The following SAAL1 variants were observed in gnomAD, a reference collection of about 807,000 sequenced individuals.
The protein encoded by SAAL1 is protein SAAL1.
In SAAL1, 42 loss-of-function variants were observed where a neutral mutation model predicts 59.8. That is an observed-to-expected ratio of 0.70 (90% confidence interval 0.55 to 0.91). The LOEUF (loss-of-function observed/expected upper bound fraction) is 0.91. Among genes scored for constraint, SAAL1 ranks in the 40% least tolerant of loss-of-function variants. The pLI, the probability that SAAL1 is intolerant of heterozygous loss-of-function variation, is 0.00. For synonymous variants in SAAL1, 191 were observed against 194.3 expected, an observed-to-expected ratio of 0.98 and a Z score of 0.14; for missense variants, 542 against 561.1, an observed-to-expected ratio of 0.97 and a Z score of 0.34.
At position 18,106,066 on chromosome 11, in the gene SAAL1, A is replaced by T; in HGVS notation, c.-25T>A. 1.3e-6 allele frequency: 2 copies of T among 1,585,640 alleles called. No homozygotes were observed. The highest frequency in any genetic ancestry group is 1.7e-6 in the Non-Finnish European group (2 of 1,172,592). On this transcript the variant is annotated 5_prime_UTR_variant, in exon 1 of 12. Transcript: ENST00000524803. Reference sequence around the variant, plus strand: ...TGACTTTGTCGCGTCCCGCGCTTGAAGGCCGTGCCGGAAGCTGCGGAGGAG... The same window carrying T: ...TGACTTTGTCGCGTCCCGCGCTTGATGGCCGTGCCGGAAGCTGCGGAGGAG...
intron 3 of SAAL1, among the ~76,000 whole-genome samples, chr11:18,094,180 A>G (rs1300481750): frequency 6.6e-6 from 1 of 152,178 alleles, no homozygotes; most frequent in Non-Finnish European, 1.5e-5. Flanking sequence ...GATAAGTGTG[A>G]CCATAAATCA....
Position 18,105,918 on chromosome 11 carries a change from C to A in SAAL1, c.124G>T (p.Gly42Ter). The change falls in exon 1 of 12, where the codon GGA becomes TGA. Residue 42 changes from glycine (G) to a stop codon, truncating the protein, a stop_gained. Transcript: ENST00000524803. LOFTEE classifies it high-confidence loss of function. ...SKHWLFGVLSGLIQIVSPENT... is the reference protein window; with the variant it reads ...SKHWLFGVLS ...GCGAGTTTCCACACCTGGATGAGTC[C>A]GCTGAGGACGCCGAAGAGCCAGTGT... 1.2e-6 allele frequency: 2 copies of A among 1,601,972 alleles called. No individual in the cohort carries two copies. The highest frequency in any genetic ancestry group is 1.3e-5 in the African/African-American group (1 of 74,840).
At chr11:18,083,499 C>T (rs768530266) in intron 10 of SAAL1, 36 bp downstream of exon 10, 10 of 1,263,784 alleles carry the variant, frequency 7.9e-6, no homozygotes, top group Non-Finnish European at 1.1e-5. Context: ...CCCACACTTT[C>T]TTTTGCTTAT....
chr11:18,102,176 T>G (rs1356585127), intron 2 of SAAL1, among the ~76,000 whole-genome samples: 1 of 152,048 alleles, frequency 6.6e-6, no homozygotes, highest in Non-Finnish European at 1.5e-5. Context: ...CCGAGGAGGA[T>G]GGATCATTTG....
chr11:18,084,071 T>C (rs1370222282), intron 9 of SAAL1, among the ~76,000 whole-genome samples: 2 of 152,158 alleles, frequency 1.3e-5, no homozygotes, highest in Non-Finnish European at 2.9e-5. Context: ...GGGTGGTAGC[T>C]CACGCTTGTA....
chr11:18,097,178 A>G (rs1403927497), intron 2 of SAAL1, among the ~76,000 whole-genome samples: 2 of 152,120 alleles, frequency 1.3e-5, no homozygotes, highest in East Asian at 3.8e-4. Context: ...CAGAGGTTGC[A>G]GTGAGCTGAG....
At chr11:18,087,940 A>G (rs1332314613) in intron 7 of SAAL1, among the ~76,000 whole-genome samples, 1 of 152,256 alleles carries the variant, frequency 6.6e-6, no homozygotes, top group East Asian at 1.9e-4. Context: ...TAATTACAAT[A>G]AAGTGGTACT....
chr11:18,096,684 A>T (rs1848580114), intron 3 of SAAL1, 87 bp downstream of exon 3: 1 of 761,870 alleles, frequency 1.3e-6, no homozygotes, highest in Admixed American at 2.1e-5. Context: ...TCAGTAAGAA[A>T]ATCAAAGTGA....
intron 11 of SAAL1, among the ~76,000 whole-genome samples, 176 bp from the exon 12 acceptor site, chr11:18,080,667 G>A (rs572976097): frequency 1.2e-4 from 18 of 152,166 alleles, no homozygotes; most frequent in Non-Finnish European, 2.2e-4. Flanking sequence ...TCAAGGAAAT[G>A]ACTATGCTTT....
intron 4 of SAAL1, among the ~76,000 whole-genome samples, chr11:18,091,135 T>C (rs1342897733): frequency 6.6e-6 from 1 of 152,240 alleles, no homozygotes; most frequent in Non-Finnish European, 1.5e-5. Flanking sequence ...GCAATCCTCC[T>C]ACAATATTTG....
intron 9 of SAAL1, among the ~76,000 whole-genome samples, chr11:18,085,903 C>T (rs1848459188): frequency 6.6e-6 from 1 of 152,158 alleles, no homozygotes; most frequent in Non-Finnish European, 1.5e-5. Flanking sequence ...ATTAAAGCCA[C>T]ACTTCACATG....
intron 2 of SAAL1, 100 bp from the exon 3 acceptor site, chr11:18,096,954 C>T (rs112499478): frequency 0.076 from 52,887 of 692,900 alleles, 2,478 homozygotes; most frequent in Non-Finnish European, 0.091. Context: ...TAGAATTTTA[C>T]GCCAGGCGCA....
chr11:18,096,983 C>T (rs1034398819), intron 2 of SAAL1, 129 bp from the exon 3 acceptor site: 31 of 626,066 alleles, frequency 5.0e-5, no homozygotes, highest in Middle Eastern at 4.2e-4. Flanking sequence ...CACCTGTAAT[C>T]CTAGCACATT....
At chr11:18,083,367 C>T (rs945055854) in intron 10 of SAAL1, 168 bp downstream of exon 10, 36 of 498,388 alleles carry the variant, frequency 7.2e-5, no homozygotes, top group Middle Eastern at 1.0e-3. Flanking sequence ...ATATACCAAA[C>T]CACATCAGCT....
chr11:18,102,355 T>C (rs542426454), intron 2 of SAAL1, among the ~76,000 whole-genome samples: 69 of 150,276 alleles, frequency 4.6e-4, no homozygotes, highest in African/African-American at 1.6e-3. Context: ...TGAGCTGAGA[T>C]CGCACCACTG....
intron 11 of SAAL1, 21 bp from the exon 12 acceptor site, chr11:18,080,512 C>T (rs1191738470): frequency 1.3e-6 from 2 of 1,510,606 alleles, no homozygotes; most frequent in South Asian, 1.2e-5. Context: ...AACAAACAAA[C>T]AAAAATCAAA....
At chr11:18,103,522 T>C (rs1848656695) in intron 1 of SAAL1, among the ~76,000 whole-genome samples, 176 bp from the exon 2 acceptor site, 1 of 152,206 alleles carries the variant, frequency 6.6e-6, no homozygotes, top group Non-Finnish European at 1.5e-5. Context: ...CAAGAGTGCA[T>C]GAGTCTGTTC....
chr11:18,104,816 A>G (rs1348111038), intron 1 of SAAL1, among the ~76,000 whole-genome samples: 1 of 152,220 alleles, frequency 6.6e-6, no homozygotes, highest in East Asian at 1.9e-4. Context: ...CTGGATTCCA[A>G]ACTTCAAGAA....
chr11:18,103,230 T>C lies in SAAL1; in HGVS notation c.249+3A>G. On this transcript the variant is annotated splice_donor_region_variant and intron_variant, in intron 2 of 11. Transcript: ENST00000524803. ...CTTCAGAGTTTTGTTTCCAGCCTCA[T>C]ACCTCATCCATTGACATATCCCATA... is the stretch of plus-strand genomic sequence containing the variant. 1.3e-6 allele frequency: 2 copies of C among 1,589,870 alleles called. No individual in the cohort carries two copies. Among genetic ancestry groups the C allele is most frequent in the Non-Finnish European group, 8.6e-7 (1 of 1,158,078 alleles).
Sources: allele counts gnomAD v4.1 joint callset (sites outside exome capture counted in the v4.1 genomes callset), GRCh38; gene constraint gnomAD v4.1.1; transcripts MANE v1.5; gene names NCBI Gene and HGNC (gene_info 2026-07-23, HGNC 2026-07-21).